The following CTNNA2 variants were observed in gnomAD, a reference collection of about 807,000 sequenced individuals.
CTNNA2 encodes the protein catenin alpha 2.
Under a neutral mutation model 101.0 loss-of-function variants are expected in CTNNA2, and 42 were observed. That is an observed-to-expected ratio of 0.42 (90% confidence interval 0.32 to 0.54). The LOEUF (loss-of-function observed/expected upper bound fraction) is 0.54, where lower values mean the gene tolerates loss of function less well. Among genes scored for constraint, CTNNA2 ranks in the 20% least tolerant of loss-of-function variants. The pLI, the probability that CTNNA2 is intolerant of heterozygous loss-of-function variation, is 0.14. For missense variants in CTNNA2, 871 were observed against 1,223.1 expected (o/e 0.71, Z 4.29); for synonymous variants, 450 against 456.4 (o/e 0.99, Z 0.18).
intron 1 of CTNNA2, among the ~76,000 whole-genome samples, chr2:79,600,655 T>G (rs1000742720): frequency 6.6e-6 from 1 of 152,138 alleles, no homozygotes. Flanking sequence ...TAAGAAAAAT[T>G]AAAATATATA....
intron 3 of CTNNA2, among the ~76,000 whole-genome samples, chr2:79,782,881 T>A (rs1448474744): frequency 6.6e-6 from 1 of 152,080 alleles, no homozygotes. Context: ...TTTTGCAAAT[T>A]GGCTCTGCCC....
chr2:80,165,623 G>A (rs2148953309), intron 7 of CTNNA2, among the ~76,000 whole-genome samples: 1 of 152,260 alleles, frequency 6.6e-6, no homozygotes, highest in Non-Finnish European at 1.5e-5. Flanking sequence ...AAAGGATTGG[G>A]AGTTCTGGCT....
intron 4 of CTNNA2, among the ~76,000 whole-genome samples, chr2:79,424,518 A>G (rs1481373426): frequency 2.0e-5 from 3 of 152,154 alleles, no homozygotes; most frequent in African/African-American, 4.8e-5. Flanking sequence ...TGGTTAATAA[A>G]CAATAACAAA....
intron 2 of CTNNA2, among the ~76,000 whole-genome samples, chr2:79,677,508 C>G (rs892079590): frequency 6.6e-6 from 1 of 152,164 alleles, no homozygotes; most frequent in African/African-American, 2.4e-5. Context: ...AGGAAACACA[C>G]ACACACGTTA....
intron 7 of CTNNA2, among the ~76,000 whole-genome samples, chr2:79,974,304 CAAAT>C (rs1267384374): frequency 1.3e-5 from 2 of 152,072 alleles, no homozygotes; most frequent in African/African-American, 4.8e-5. Flanking sequence ...GTGAAGGAGA[CAAAT>C]AAATGCTAAT....
At chr2:80,564,195 A>T (rs1693851340) in intron 12 of CTNNA2, among the ~76,000 whole-genome samples, 1 of 152,194 alleles carries the variant, frequency 6.6e-6, no homozygotes, top group South Asian at 2.1e-4. Flanking sequence ...TCTTAATGCA[A>T]TCTAAGTATT....
intron 7 of CTNNA2, among the ~76,000 whole-genome samples, chr2:79,982,848 C>A (rs1212871703): frequency 6.6e-5 from 10 of 152,060 alleles, no homozygotes; most frequent in African/African-American, 2.4e-4. Context: ...TTTAAAAACT[C>A]ACTTTCCTCT....
chr2:79,708,480 C>A (rs1358108640), intron 2 of CTNNA2, among the ~76,000 whole-genome samples: 1 of 152,102 alleles, frequency 6.6e-6, no homozygotes, highest in Admixed American at 6.5e-5. Flanking sequence ...CCTGTTCAGC[C>A]ACTTTAAATG....
chr2:80,513,203 A>T (rs1484539036), intron 9 of CTNNA2, among the ~76,000 whole-genome samples: 1 of 152,214 alleles, frequency 6.6e-6, no homozygotes, highest in East Asian at 1.9e-4. Context: ...ATAACTATTA[A>T]GATCCCATTA....
At chr2:80,050,523 C>T (rs1696809129) in intron 7 of CTNNA2, among the ~76,000 whole-genome samples, 1 of 152,138 alleles carries the variant, frequency 6.6e-6, no homozygotes. Context: ...GTTGAGATAG[C>T]GGGCCCTTGC....
At chr2:79,606,461 G>A (rs537551640) in intron 1 of CTNNA2, among the ~76,000 whole-genome samples, 19 of 152,052 alleles carry the variant, frequency 1.2e-4, no homozygotes, top group African/African-American at 4.3e-4. Flanking sequence ...GTAGAGACAG[G>A]GTTTCAGCTT....
At chr2:79,393,700 G>A (rs1442827988) in intron 4 of CTNNA2, among the ~76,000 whole-genome samples, 2 of 150,832 alleles carry the variant, frequency 1.3e-5, no homozygotes, top group Non-Finnish European at 2.9e-5. Flanking sequence ...GTCACAAGCA[G>A]GAATGTGGAC....
chr2:79,989,135 A>G (rs1262199840), intron 7 of CTNNA2, among the ~76,000 whole-genome samples: 2 of 152,200 alleles, frequency 1.3e-5, no homozygotes, highest in Admixed American at 6.5e-5. Context: ...TAAAATATGC[A>G]CTGATGGTGG....
chr2:79,322,950 A>C (rs985239720), intron 3 of CTNNA2, among the ~76,000 whole-genome samples: 3 of 152,208 alleles, frequency 2.0e-5, no homozygotes, highest in African/African-American at 7.2e-5. Context: ...CCAAGTTTCT[A>C]TGCCTGGTTA....
chr2:79,605,199 T>G (rs968029161), intron 1 of CTNNA2, among the ~76,000 whole-genome samples: 45 of 152,170 alleles, frequency 3.0e-4, no homozygotes, highest in South Asian at 2.1e-4. Flanking sequence ...AACTACAATG[T>G]CTGCTGTGAA....
At chr2:80,012,081 C>T (rs1481167601) in intron 7 of CTNNA2, among the ~76,000 whole-genome samples, 1 of 152,118 alleles carries the variant, frequency 6.6e-6, no homozygotes, top group Admixed American at 6.5e-5. Context: ...GCTCTGGATT[C>T]CAGTGATTTG....
rs539221934 is a variant in CTNNA2, at chr2:80,500,399, C to T, written c.1291-44583C>T. The stretch of plus-strand genomic sequence containing the variant: ...TCCATTCATTCATTCATCCATCCAC[C>T]CATCCGCCTACCCATCTATCTGTCC... On this transcript the variant is annotated intron_variant, in intron 9 of 18. Transcript: ENST00000402739. 3.3e-5 allele frequency among the ~76,000 whole-genome samples: 5 copies of T among 152,248 alleles called. No homozygotes were observed. In the South Asian group the frequency reaches 1.0e-3, roughly 32 times the overall value.
intron 7 of CTNNA2, among the ~76,000 whole-genome samples, chr2:80,204,541 T>G (rs1707411366): frequency 6.6e-6 from 1 of 152,212 alleles, no homozygotes; most frequent in Non-Finnish European, 1.5e-5. Context: ...GTTCCTTATC[T>G]CCATCTGAGA....
At chr2:80,120,851 C>T (rs1701790090) in intron 7 of CTNNA2, among the ~76,000 whole-genome samples, 2 of 152,150 alleles carry the variant, frequency 1.3e-5, no homozygotes, top group South Asian at 2.1e-4. Flanking sequence ...GAACCACTGA[C>T]ATTTGGTTTA....
Sources: gnomAD v4.1 joint callset for allele counts (sites outside exome capture counted in the v4.1 genomes callset) on GRCh38, gnomAD v4.1.1 for gene constraint, MANE v1.5 for transcripts, NCBI Gene and HGNC (gene_info 2026-07-23, HGNC 2026-07-21) for gene names.